The following REEP1 variants were observed in gnomAD, a reference collection of about 807,000 sequenced individuals.
REEP1 encodes receptor accessory protein 1, also known as receptor expression-enhancing protein 1.
Under a neutral mutation model 40.3 loss-of-function variants are expected in REEP1, and 22 were observed. The ratio of observed to expected loss-of-function variants is 0.55; its 90% CI spans 0.39 to 0.78. REEP1 has a LOEUF of 0.78. REEP1 is among the 30% of genes least tolerant of loss of function. The pLI, the probability that REEP1 is intolerant of heterozygous loss-of-function variation, is 0.00. For synonymous variants in REEP1, 116 were observed against 139.2 expected (o/e 0.83, Z 1.17); for missense variants, 280 against 361.1 (o/e 0.78, Z 1.82).
intron 1 of REEP1, among the ~76,000 whole-genome samples, chr2:86,299,526 G>T (rs1278689857): frequency 1.3e-5 from 2 of 152,176 alleles, no homozygotes; most frequent in East Asian, 3.9e-4. Context: ...AGGGTTATAT[G>T]TGTGCCTTCT....
intron 5 of REEP1, among the ~76,000 whole-genome samples, chr2:86,246,982 T>C (rs1175764342): frequency 6.6e-6 from 1 of 152,198 alleles, no homozygotes; most frequent in African/African-American, 2.4e-5. Flanking sequence ...ATTACAGGCG[T>C]GAGCCACCAC....
chr2:86,273,907 T>C (rs61403853), intron 2 of REEP1, among the ~76,000 whole-genome samples: 4,151 of 152,332 alleles, frequency 0.027, 192 homozygotes, highest in African/African-American at 0.093. Flanking sequence ...GTTCTCCTTA[T>C]ACATCTTTAT....
In REEP1 at chr2:86,238,010, C is replaced by T. The variant is rs527247424; in HGVS notation, c.418-5208G>A. Among the ~76,000 whole-genome samples the T allele has an allele frequency of 2.6e-5, 4 of 152,078 alleles. No homozygotes were observed. In the South Asian group the frequency reaches 8.3e-4, roughly 32 times the overall value. The stretch of plus-strand genomic sequence containing the variant: ...CAGCCTGTCCAACATGGAGAAACTC[C>T]ATCTCTACTAAAAATACAAAATTAG... On this transcript the variant is annotated intron_variant, in intron 5 of 8. Coordinates refer to ENST00000538924, the MANE Select transcript of REEP1 (RefSeq NM_001371279.1).
chr2:86,267,007 AG>A (rs34201067), intron 2 of REEP1, among the ~76,000 whole-genome samples: 50,858 of 147,794 alleles, frequency 0.34, 9,531 homozygotes, highest in Middle Eastern at 0.44. Flanking sequence ...ACTCTGTCTC[AG>A]GGGAAAAAAA....
intron 5 of REEP1, chr2:86,251,424 G>C (rs547533357): frequency 1.1e-5 from 2 of 186,842 alleles, no homozygotes; most frequent in Non-Finnish European, 2.3e-5. Context: ...TGACCTCCAT[G>C]TCTGGACCAC....
intron 3 of REEP1, among the ~76,000 whole-genome samples, chr2:86,262,000 C>T (rs895260507): frequency 1.3e-5 from 2 of 152,102 alleles, no homozygotes; most frequent in African/African-American, 4.8e-5. Context: ...ATGCAAAGAC[C>T]TTTGTTCACG....
chr2:86,329,256 A>G (rs76092013), intron 1 of REEP1, among the ~76,000 whole-genome samples: 4,588 of 152,218 alleles, frequency 0.03, 119 homozygotes, highest in East Asian at 0.07. Flanking sequence ...GGGTGTGGCG[A>G]GCCAGAGTGG....
chr2:86,231,211 G>A (rs916904143), intron 6 of REEP1, among the ~76,000 whole-genome samples: 5 of 152,166 alleles, frequency 3.3e-5, no homozygotes, highest in Admixed American at 1.3e-4. Flanking sequence ...TTTCCTGTCT[G>A]GCCTTTTGGG....
At chr2:86,266,982 G>T (rs1469733688) in intron 2 of REEP1, among the ~76,000 whole-genome samples, 1 of 151,364 alleles carries the variant, frequency 6.6e-6, no homozygotes, top group African/African-American at 2.4e-5. Flanking sequence ...ACTCCAGCCT[G>T]GGTGACAGAG....
chr2:86,226,457 C>CTTT (rs1558870431), intron 7 of REEP1, among the ~76,000 whole-genome samples: 3 of 39,870 alleles, frequency 7.5e-5, no homozygotes, highest in African/African-American at 8.9e-5. Context: ...CCTGTTGTGG[C>CTTT]TTTTTCTTTT....
Position 86,302,175 on chromosome 2 carries a change from G to C in REEP1, c.33-19933C>G, listed in dbSNP as rs1042544618. On this transcript the variant is annotated intron_variant, in intron 1 of 8. Transcript: ENST00000538924. ...TGTGCAGTCTCTTCAGGAGGCTCCC[G>C]GGTCCCAGACTCCAGCCTGGAAAAG... Among the ~76,000 whole-genome samples the C allele has an allele frequency of 4.6e-5, 7 of 152,256 alleles. No homozygotes were observed. The East Asian group carries it at 1.2e-3, about 25-fold the overall frequency.
rs769926270 is a variant in REEP1 at position 86,232,785 on chromosome 2, C to T, written c.435G>A (p.Ser145=). 16 of 1,601,976 alleles carry T rather than the reference C, an allele frequency of 1.0e-5. No homozygotes were observed. Among genetic ancestry groups the T allele is most frequent in the South Asian group, 5.5e-5 (5 of 91,062 alleles). The stretch of plus-strand genomic sequence containing the variant: ...GCATGCTGAAGCTCCGCAGTCTCTC[C>T]GATAAGGCACCCTGTCCCTGGATAC... ...MAASKGQGAL[S]ERLRSFSMQD... is the part of the protein sequence containing the mutation. Residue 145 remains serine (S), a synonymous_variant, in exon 6 of 9, where the codon TCG becomes TCA. Transcript: ENST00000538924.
upstream of REEP1, chr2:86,338,074 C>T (rs1681134590): frequency 6.5e-7 from 1 of 1,537,246 alleles, no homozygotes. Context: ...GCACTTTCTG[C>T]ATAAGAAACA....
At chr2:86,291,184 T>C (rs1257033169) in intron 1 of REEP1, among the ~76,000 whole-genome samples, 1 of 152,192 alleles carries the variant, frequency 6.6e-6, no homozygotes, top group Non-Finnish European at 1.5e-5. Context: ...TTCCTGACTC[T>C]GCAGTACATG....
intron 1 of REEP1, among the ~76,000 whole-genome samples, chr2:86,318,054 A>G (rs1002038163): frequency 3.3e-5 from 5 of 152,266 alleles, no homozygotes; most frequent in Non-Finnish European, 5.9e-5. Context: ...TTTTTATCCT[A>G]CCATTAACTT....
chr2:86,277,451 GA>G (rs1451065652), intron 2 of REEP1, among the ~76,000 whole-genome samples: 7 of 152,032 alleles, frequency 4.6e-5, no homozygotes, highest in African/African-American at 1.7e-4. Context: ...TGCTACTGGG[GA>G]GGCTGAGGCA....
intron 5 of REEP1, among the ~76,000 whole-genome samples, chr2:86,246,721 G>A (rs1355961246): frequency 1.4e-5 from 1 of 70,880 alleles, no homozygotes. Context: ...TTTTTTTTTT[G>A]ACAGAGTTTC....
chr2:86,310,550 AT>A (rs1679712438), intron 1 of REEP1, among the ~76,000 whole-genome samples: 1 of 152,144 alleles, frequency 6.6e-6, no homozygotes, highest in African/African-American at 2.4e-5. Context: ...TTATTAAGCA[AT>A]GCATAACTGT....
chr2:86,221,231 AT>A (rs1674411336), intron 7 of REEP1, among the ~76,000 whole-genome samples: 1 of 152,088 alleles, frequency 6.6e-6, no homozygotes, highest in South Asian at 2.1e-4. Context: ...CTGAACCCTA[AT>A]CTTGGGCAGC....
Sources: allele counts gnomAD v4.1 joint callset (sites outside exome capture counted in the v4.1 genomes callset), GRCh38; gene constraint gnomAD v4.1.1; transcripts MANE v1.5; gene names NCBI Gene and HGNC (gene_info 2026-07-23, HGNC 2026-07-21).